SH3PXD2A: variants seen among roughly 807,000 people sequenced by gnomAD.
The protein encoded by SH3PXD2A is SH3 and PX domain-containing protein 2A.
SH3PXD2A carries 32 observed loss-of-function variants against 115.2 expected under a neutral mutation model. The ratio of observed to expected loss-of-function variants is 0.28; its 90% CI spans 0.21 to 0.37. The LOEUF is 0.37. Ranked by LOEUF, SH3PXD2A falls within the 10% of genes least tolerant of loss-of-function variation. The pLI, the probability that SH3PXD2A is intolerant of heterozygous loss-of-function variation, is 1.00. For missense variants in SH3PXD2A, 1,328 were observed against 1,498.7 expected (o/e 0.89, Z 1.88); for synonymous variants, 610 against 629.1 (o/e 0.97, Z 0.45).
At position 103,674,059 on chromosome 10, in the gene SH3PXD2A, G is replaced by A. The variant is rs1564860450; in HGVS notation, c.428-5407C>T. Among the ~76,000 whole-genome samples, 4 of 152,292 alleles carry A rather than the reference G, an allele frequency of 2.6e-5. No individual in the cohort carries two copies. In the Middle Eastern group the frequency reaches 0.01, roughly 389 times the overall value. ...TCTTACCTCATTGCAGTTTTGAACT[G>A]GTTTCTAAATAACTGCTGCAGTTTA... On this transcript the variant is annotated intron_variant, in intron 6 of 14. Coordinates refer to ENST00000369774, the MANE Select transcript of SH3PXD2A (RefSeq NM_001394015.1).
intron 6 of SH3PXD2A, among the ~76,000 whole-genome samples, chr10:103,668,932 C>T (rs754292748): frequency 6.6e-5 from 10 of 152,368 alleles, no homozygotes; most frequent in South Asian, 2.1e-4. Flanking sequence ...GAATCCCACA[C>T]GATCCTCCCT....
At chr10:103,734,764 T>C (rs1369830037) in intron 4 of SH3PXD2A, among the ~76,000 whole-genome samples, 1 of 152,170 alleles carries the variant, frequency 6.6e-6, no homozygotes, top group Non-Finnish European at 1.5e-5. Flanking sequence ...AATAAATAAA[T>C]AAATAAAAAT....
intron 5 of SH3PXD2A, among the ~76,000 whole-genome samples, chr10:103,719,736 T>TG (rs1200958940): frequency 6.7e-6 from 1 of 148,800 alleles, no homozygotes; most frequent in Non-Finnish European, 1.5e-5. Flanking sequence ...TTTTTTTTTT[T>TG]TTGAGATGGA....
chr10:103,680,062 C>T (rs537247826), intron 6 of SH3PXD2A, among the ~76,000 whole-genome samples: 1 of 151,456 alleles, frequency 6.6e-6, no homozygotes, highest in Non-Finnish European at 1.5e-5. Flanking sequence ...TCACTGCAAC[C>T]TCTGCCTCCC....
At chr10:103,705,547 T>A (rs1359489151) in intron 5 of SH3PXD2A, among the ~76,000 whole-genome samples, 1 of 152,200 alleles carries the variant, frequency 6.6e-6, no homozygotes, top group Non-Finnish European at 1.5e-5. Flanking sequence ...ATCCCCATTT[T>A]ACAGATGAGA....
intron 8 of SH3PXD2A, among the ~76,000 whole-genome samples, chr10:103,648,250 TG>T (rs937621555): frequency 6.6e-6 from 1 of 152,126 alleles, no homozygotes; most frequent in African/African-American, 2.4e-5. Context: ...CCGATACCAG[TG>T]GGGGTCAGGG....
chr10:103,649,705 A>G (rs1050767010), intron 8 of SH3PXD2A, among the ~76,000 whole-genome samples: 5 of 152,230 alleles, frequency 3.3e-5, no homozygotes, highest in African/African-American at 9.6e-5. Context: ...TAATCAAAAG[A>G]TGGTGAGCAC....
chr10:103,627,146 C>T lies in SH3PXD2A; in HGVS notation c.661G>A (p.Glu221Lys). 6.2e-7 allele frequency: 1 copy of T among 1,613,776 alleles called. No individual in the cohort carries two copies. Among genetic ancestry groups the T allele is most frequent in the Non-Finnish European group, 8.5e-7 (1 of 1,179,706 alleles). Residue 221 changes from glutamate to lysine, a missense_variant, in exon 9 of 15, where the codon GAG (glutamate) becomes AAG (lysine). Transcript: ENST00000369774. This position sits in a 1 kb window ranked among gnomAD's most constrained non-coding sequence, Gnocchi z 4.4. ...TCATCCCGAGTACCATTCTGGGCCT[C>T]CAGGTAGGTGGCAGGGACCCAGCCC... The part of the protein sequence containing the change: ...EQGWVPATYL[E>K]AQNGTRDDSD...
chr10:103,821,541 G>T (rs2039379776), intron 1 of SH3PXD2A, among the ~76,000 whole-genome samples: 1 of 151,710 alleles, frequency 6.6e-6, no homozygotes, highest in Non-Finnish European at 1.5e-5. Flanking sequence ...GACACAAGTG[G>T]GAGATCTGTT....
chr10:103,826,052 C>G (rs1032299678), intron 1 of SH3PXD2A, among the ~76,000 whole-genome samples: 1 of 152,132 alleles, frequency 6.6e-6, no homozygotes, highest in Admixed American at 6.5e-5. Flanking sequence ...CGTGAGCCAC[C>G]GTGCACGGCC....
chr10:103,598,946 GC>G lies in SH3PXD2A; in HGVS notation c.*2869del, dbSNP rs1364251948. 6.6e-6 allele frequency: 1 copy of G among 152,570 alleles called. No homozygotes were observed. Among genetic ancestry groups the G allele is most frequent in the Non-Finnish European group, 1.5e-5 (1 of 68,036 alleles). 9.5% of individuals were successfully genotyped at this position (152,570 alleles called of 1,614,324 possible). On this transcript the variant is annotated 3_prime_UTR_variant, in exon 15 of 15. Coordinates refer to ENST00000369774, the MANE Select transcript of SH3PXD2A (RefSeq NM_001394015.1). ...TGGGGCATGGCAATCCCTGTTCACT[GC>G]CCAAATCTACATGCTGTCACCAGAT...
In SH3PXD2A at chr10:103,603,029, C is replaced by T. The variant is rs757488196; in HGVS notation, c.2189G>A (p.Gly730Asp). 7 of 1,614,030 alleles carry T rather than the reference C, an allele frequency of 4.3e-6. No homozygotes were observed. The South Asian group carries it at 4.4e-5, about 10-fold the overall frequency. Residue 730 changes from glycine (G) to aspartate (D), a missense_variant, in exon 15 of 15, where the codon GGC becomes GAC. Gly to Asp is a moderately conservative substitution (Grantham distance 94, BLOSUM62 -1). Transcript: ENST00000369774. ...CTTCTTTGCCCTGACCTTGGGAGTG[C>T]CGCGGATGCCTGCGTCCGAAGCAGA... is the stretch of plus-strand genomic sequence containing the variant. ...PRSASDAGIR[G>D]TPKVRAKKDA...
intron 3 of SH3PXD2A, among the ~76,000 whole-genome samples, chr10:103,755,696 C>T (rs2038632703): frequency 6.6e-6 from 1 of 152,134 alleles, no homozygotes; most frequent in South Asian, 2.1e-4. Context: ...AGTAGAAAGC[C>T]CAGGTATGAA....
chr10:103,644,244 C>T (rs2037000678), intron 8 of SH3PXD2A, among the ~76,000 whole-genome samples: 1 of 151,698 alleles, frequency 6.6e-6, no homozygotes, highest in African/African-American at 2.4e-5. Context: ...GCCCTACTTA[C>T]CCTTAGAGAG....
At chr10:103,835,723 C>T (rs1165303645) in intron 1 of SH3PXD2A, among the ~76,000 whole-genome samples, 1 of 152,182 alleles carries the variant, frequency 6.6e-6, no homozygotes, top group Non-Finnish European at 1.5e-5. Flanking sequence ...TGCAGCTCTA[C>T]CCTCCTCTGG....
intron 6 of SH3PXD2A, 91 bp from the exon 7 acceptor site, chr10:103,668,743 GCAGGCGCCGCGCTCGGC>G: frequency 8.4e-7 from 1 of 1,192,652 alleles, no homozygotes; most frequent in South Asian, 1.3e-5. Flanking sequence ...GTGAGTGGCT[GCAGGCGCCGCGCTCGGC>G]CAGCCGCGGG....
intron 1 of SH3PXD2A, among the ~76,000 whole-genome samples, 168 bp from the exon 2 acceptor site, chr10:103,801,530 T>C (rs2039146490): frequency 1.4e-5 from 1 of 70,568 alleles, no homozygotes; most frequent in African/African-American, 6.2e-5. Context: ...GATGCTACAA[T>C]ATATGTCTAA....
At chr10:103,772,447 C>A (rs1007654443) in intron 2 of SH3PXD2A, among the ~76,000 whole-genome samples, 2 of 152,230 alleles carry the variant, frequency 1.3e-5, no homozygotes, top group Non-Finnish European at 2.9e-5. Context: ...AGCAGATTCT[C>A]CTGTCACTCC....
chr10:103,702,292 T>C (rs146137181), intron 5 of SH3PXD2A, among the ~76,000 whole-genome samples: 136 of 152,344 alleles, frequency 8.9e-4, no homozygotes, highest in Non-Finnish European at 1.7e-3. Context: ...CTCTTTTTCA[T>C]TTTTTTGTCC....
Sources: allele counts gnomAD v4.1 joint callset (sites outside exome capture counted in the v4.1 genomes callset), GRCh38; gene constraint gnomAD v4.1.1; non-coding constraint Gnocchi (gnomAD v3.1); transcripts MANE v1.5; gene names NCBI Gene and HGNC (gene_info 2026-07-23, HGNC 2026-07-21).